The following EPHA6 variants were observed in gnomAD, a reference collection of about 807,000 sequenced individuals.
The protein encoded by EPHA6 is EPH receptor A6.
EPHA6 carries 50 observed loss-of-function variants against 112.0 expected under a neutral mutation model. The observed-to-expected ratio is 0.45, with a 90% CI of 0.36 to 0.56. The LOEUF is 0.56. EPHA6 is among the 20% of genes least tolerant of loss of function. The pLI is 0.00. For missense variants in EPHA6, 1,280 were observed against 1,417.4 expected, an observed-to-expected ratio of 0.90 and a Z score of 1.56; for synonymous variants, 529 against 490.7, an observed-to-expected ratio of 1.08 and a Z score of -1.03.
intron 3 of EPHA6, among the ~76,000 whole-genome samples, chr3:97,062,279 T>C (rs1183861763): frequency 6.6e-6 from 1 of 152,024 alleles, no homozygotes; most frequent in African/African-American, 2.4e-5. Context: ...TATATAAAAA[T>C]TAATTATAAC....
intron 10 of EPHA6, among the ~76,000 whole-genome samples, chr3:97,519,075 C>A (rs963038672): frequency 6.6e-6 from 1 of 152,020 alleles, no homozygotes; most frequent in Non-Finnish European, 1.5e-5. Context: ...TTGCATAGCC[C>A]GGGATCCTGA....
intron 14 of EPHA6, among the ~76,000 whole-genome samples, chr3:97,664,024 A>C (rs927819736): frequency 6.6e-6 from 1 of 152,176 alleles, no homozygotes; most frequent in Non-Finnish European, 1.5e-5. Context: ...AATGATCACC[A>C]TTCTAACTGG....
intron 13 of EPHA6, among the ~76,000 whole-genome samples, chr3:97,611,423 G>A (rs1468465033): frequency 1.3e-5 from 2 of 151,752 alleles, no homozygotes; most frequent in African/African-American, 2.4e-5. Flanking sequence ...ATCTTTAAAA[G>A]TATAGTATAT....
chr3:97,602,949 TATTA>T (rs2093654237), intron 12 of EPHA6, among the ~76,000 whole-genome samples: 1 of 152,034 alleles, frequency 6.6e-6, no homozygotes, highest in Admixed American at 6.6e-5. Context: ...GTAATTCAAC[TATTA>T]ATTATTACAT....
intron 2 of EPHA6, among the ~76,000 whole-genome samples, chr3:96,894,771 A>G (rs2038169822): frequency 6.6e-6 from 1 of 152,122 alleles, no homozygotes; most frequent in Non-Finnish European, 1.5e-5. Flanking sequence ...TTCCTGAGAA[A>G]TTGCTTAAGG....
intron 1 of EPHA6, among the ~76,000 whole-genome samples, chr3:96,864,004 GTACA>G (rs2036161999): frequency 6.6e-6 from 1 of 151,974 alleles, no homozygotes; most frequent in African/African-American, 2.4e-5. Context: ...ATTAAGTGAA[GTACA>G]TATTAAAACA....
chr3:97,203,521 T>A (rs1370248677), intron 3 of EPHA6, among the ~76,000 whole-genome samples: 2 of 152,002 alleles, frequency 1.3e-5, no homozygotes, highest in South Asian at 4.1e-4. Context: ...AGAAATAGTA[T>A]AGGTAGTGCA....
chr3:96,988,700 T>C (rs1351115893), intron 3 of EPHA6, among the ~76,000 whole-genome samples: 1 of 152,148 alleles, frequency 6.6e-6, no homozygotes. Flanking sequence ...TATTATTACA[T>C]AGAATTTTTC....
chr3:97,508,360 G>A (rs2092297601), intron 10 of EPHA6, among the ~76,000 whole-genome samples: 2 of 152,168 alleles, frequency 1.3e-5, no homozygotes, highest in Admixed American at 6.5e-5. Flanking sequence ...CTGGTACATT[G>A]TGTCTTTGTT....
chr3:96,920,941 G>A (rs1041173090), intron 2 of EPHA6, among the ~76,000 whole-genome samples: 1 of 151,920 alleles, frequency 6.6e-6, no homozygotes, highest in African/African-American at 2.4e-5. Context: ...ATCCAAAATT[G>A]TATGGATTAT....
chr3:96,973,065 G>T (rs1482640902), intron 2 of EPHA6, among the ~76,000 whole-genome samples: 1 of 152,138 alleles, frequency 6.6e-6, no homozygotes. Context: ...GTTGCTTTAA[G>T]AATTAATTTC....
intron 3 of EPHA6, among the ~76,000 whole-genome samples, chr3:97,177,970 G>C (rs1477837439): frequency 6.6e-6 from 1 of 151,806 alleles, no homozygotes; most frequent in African/African-American, 2.4e-5. Flanking sequence ...TGATAAGTAA[G>C]GACTTACTCC....
chr3:97,424,192 T>G (rs1185818078), intron 6 of EPHA6, among the ~76,000 whole-genome samples: 2 of 152,180 alleles, frequency 1.3e-5, no homozygotes, highest in Admixed American at 1.3e-4. Context: ...TCAGATCTCC[T>G]GAGACTTGTT....
chr3:97,034,130 A>G (rs1355610294), intron 3 of EPHA6, among the ~76,000 whole-genome samples: 7 of 151,964 alleles, frequency 4.6e-5, no homozygotes, highest in African/African-American at 7.2e-5. Flanking sequence ...AACTTTAGGG[A>G]AAAAGAAACT....
intron 3 of EPHA6, among the ~76,000 whole-genome samples, chr3:97,133,813 CA>C (rs1177982196): frequency 6.6e-6 from 1 of 151,832 alleles, no homozygotes; most frequent in Non-Finnish European, 1.5e-5. Context: ...TCAAAGAAGT[CA>C]AAAGTGTCTT....
At chr3:97,039,847 C>T (rs2045252488) in intron 3 of EPHA6, among the ~76,000 whole-genome samples, 1 of 151,956 alleles carries the variant, frequency 6.6e-6, no homozygotes, top group South Asian at 2.1e-4. Context: ...TAATTGGACA[C>T]TGAGCAAATT....
chr3:97,686,803 T>C (rs139496942), intron 14 of EPHA6, among the ~76,000 whole-genome samples: 29 of 152,316 alleles, frequency 1.9e-4, no homozygotes, highest in African/African-American at 6.5e-4. Flanking sequence ...GATGCATTTA[T>C]AACCATCAGG....
At chr3:97,426,451 T>C (rs1434082133) in intron 6 of EPHA6, among the ~76,000 whole-genome samples, 1 of 152,200 alleles carries the variant, frequency 6.6e-6, no homozygotes, top group African/African-American at 2.4e-5. Flanking sequence ...CCTGGCCCTG[T>C]CATTGACATG....
chr3:97,695,897 A>G (rs1359409519), intron 14 of EPHA6, among the ~76,000 whole-genome samples: 1 of 152,212 alleles, frequency 6.6e-6, no homozygotes, highest in East Asian at 1.9e-4. Context: ...CAAACCAGAC[A>G]TATCACTAAA....
Sources: gnomAD v4.1 joint callset for allele counts (sites outside exome capture counted in the v4.1 genomes callset) on GRCh38, gnomAD v4.1.1 for gene constraint, MANE v1.5 for transcripts, NCBI Gene and HGNC (gene_info 2026-07-23, HGNC 2026-07-21) for gene names.